SYT16: variants seen among roughly 807,000 people sequenced by gnomAD.
SYT16 encodes the protein synaptotagmin 16, also known as synaptotagmin-16.
A neutral mutation model predicts 61.4 loss-of-function variants in SYT16; 42 were observed. The observed-to-expected ratio is 0.68, with a 90% CI of 0.53 to 0.89. The LOEUF is 0.89. Ranked by LOEUF, SYT16 falls within the 40% of genes least tolerant of loss-of-function variation. The pLI, the probability that SYT16 is intolerant of heterozygous loss-of-function variation, is 0.00. For missense variants in SYT16, 804 were observed against 807.3 expected (o/e 1.00, Z 0.05); for synonymous variants, 314 against 302.3 (o/e 1.04, Z -0.40).
At chr14:62,079,244 A>G in intron 5 of SYT16, 1 of 474,974 alleles carries the variant, frequency 2.1e-6, no homozygotes, top group Non-Finnish European at 3.0e-6. Context: ...GAAACTAAGT[A>G]CCTCTGAATA....
chr14:61,914,119 T>C lies in SYT16; in HGVS notation c.-324-56013T>C, dbSNP rs1371564172. Among the ~76,000 whole-genome samples, 3 of 152,196 alleles carry C rather than the reference T, an allele frequency of 2.0e-5. No individual in the cohort carries two copies. In the South Asian group the frequency reaches 6.2e-4, roughly 32 times the overall value. ...ATCTTTGAAATGGTATAGAGAGTTA[T>C]AATTTGTTCAGTTTGGGATAGCATT... On this transcript the variant is annotated intron_variant, in intron 1 of 7. Transcript: ENST00000683842.
At chr14:61,913,735 A>T (rs1238928298) in intron 1 of SYT16, among the ~76,000 whole-genome samples, 2 of 18,080 alleles carry the variant, frequency 1.1e-4, no homozygotes, top group African/African-American at 4.6e-4. Context: ...TGTGTGTGTG[A>T]AATAAAACTC....
At chr14:62,078,155 C>CTCTCTCTCTCTATATATATATA (rs766089633) in intron 5 of SYT16, among the ~76,000 whole-genome samples, 3 of 135,936 alleles carry the variant, frequency 2.2e-5, no homozygotes, top group African/African-American at 8.6e-5. Context: ...CTCTCTCTCT[C>CTCTCTCTCTCTATATATATATA]TATATATATA....
At chr14:61,927,478 A>G (rs572304374) in intron 1 of SYT16, among the ~76,000 whole-genome samples, 1 of 152,360 alleles carries the variant, frequency 6.6e-6, no homozygotes, top group East Asian at 1.9e-4. Context: ...CCCTAAAGGG[A>G]ATAATTACTT....
chr14:62,051,185 C>T lies in SYT16; in HGVS notation c.524-18418C>T, dbSNP rs1473105500. Among the ~76,000 whole-genome samples, 3 of 152,356 alleles carry T rather than the reference C, an allele frequency of 2.0e-5. No homozygotes were observed. The East Asian group carries it at 5.8e-4, about 29-fold the overall frequency. ...CTGGGCAATGGCAGGCGCCCCTCCC[C>T]CAGCCTCACTGCTGCCTTGCAGTTT... On this transcript the variant is annotated intron_variant, in intron 3 of 7. Transcript: ENST00000683842.
intron 1 of SYT16, among the ~76,000 whole-genome samples, chr14:61,951,366 CA>C (rs1423068097): frequency 6.6e-6 from 1 of 152,060 alleles, no homozygotes; most frequent in Non-Finnish European, 1.5e-5. Context: ...ATCATCTTTT[CA>C]AAAATATTTG....
At chr14:62,007,879 A>C (rs2053286166) in intron 3 of SYT16, among the ~76,000 whole-genome samples, 2 of 152,084 alleles carry the variant, frequency 1.3e-5, no homozygotes, top group South Asian at 4.1e-4. Context: ...GGAATAAAAA[A>C]AATTTTCTTT....
intron 1 of SYT16, among the ~76,000 whole-genome samples, chr14:61,845,679 A>T (rs1246414658): frequency 6.6e-6 from 1 of 152,090 alleles, no homozygotes; most frequent in Non-Finnish European, 1.5e-5. Context: ...TTCATTTCAA[A>T]TTTATTTCCG....
chr14:62,027,112 T>G (rs539872776), intron 3 of SYT16, among the ~76,000 whole-genome samples: 2 of 152,332 alleles, frequency 1.3e-5, no homozygotes, highest in African/African-American at 4.8e-5. Context: ...TGCCTTAAAT[T>G]TATCTTTTTC....
intron 1 of SYT16, among the ~76,000 whole-genome samples, chr14:61,888,396 G>A (rs1395829683): frequency 2.0e-5 from 3 of 152,140 alleles, no homozygotes; most frequent in Non-Finnish European, 4.4e-5. Context: ...GGGATTACAG[G>A]CATGAGCCAC....
intron 1 of SYT16, among the ~76,000 whole-genome samples, chr14:61,816,202 C>T (rs1448690636): frequency 6.6e-6 from 1 of 152,132 alleles, no homozygotes; most frequent in African/African-American, 2.4e-5. Context: ...CCACTTTTTC[C>T]CTCCTTCTTT....
intron 3 of SYT16, among the ~76,000 whole-genome samples, chr14:62,068,416 G>T (rs2056155936): frequency 6.6e-6 from 1 of 152,078 alleles, no homozygotes; most frequent in African/African-American, 2.4e-5. Flanking sequence ...AGTTACCAAG[G>T]GGCAGGGGGC....
At chr14:61,849,005 A>C (rs944348277) in intron 1 of SYT16, among the ~76,000 whole-genome samples, 1 of 152,150 alleles carries the variant, frequency 6.6e-6, no homozygotes, top group South Asian at 2.1e-4. Flanking sequence ...TCAGGGCCCA[A>C]GGGCTTTTTA....
chr14:61,902,308 A>G (rs1248939625), intron 1 of SYT16, among the ~76,000 whole-genome samples: 1 of 152,196 alleles, frequency 6.6e-6, no homozygotes, highest in Non-Finnish European at 1.5e-5. Flanking sequence ...GCACAGCCTA[A>G]AAGACCTTCA....
At chr14:62,016,520 C>G (rs1187956796) in intron 3 of SYT16, among the ~76,000 whole-genome samples, 7 of 142,228 alleles carry the variant, frequency 4.9e-5, no homozygotes, top group Non-Finnish European at 1.1e-4. Flanking sequence ...GGTGTGAAAC[C>G]CTGTCTCTTC....
rs139372409 is a variant in SYT16, at chr14:61,846,078, A to G, written c.-325+33268A>G. On this transcript the variant is annotated intron_variant, in intron 1 of 7. Transcript: ENST00000683842. ...TGTTTTAAGACTTGTTTTTTGACCT[A>G]ACATATGGTCTATTCATGTGCTGGG... is the stretch of plus-strand genomic sequence containing the variant. Among the ~76,000 whole-genome samples, 902 of 152,260 alleles carry G rather than the reference A, an allele frequency of 5.9e-3. 4 individuals are homozygous for G. The highest frequency in any genetic ancestry group is 0.01 in the Non-Finnish European group (683 of 67,980).
chr14:61,864,716 A>T (rs1263595441), intron 1 of SYT16, among the ~76,000 whole-genome samples: 1 of 152,252 alleles, frequency 6.6e-6, no homozygotes, highest in Admixed American at 6.5e-5. Flanking sequence ...TGTGGTGGCG[A>T]CTGCTCGGAC....
chr14:62,024,361 G>A (rs1318134504), intron 3 of SYT16, among the ~76,000 whole-genome samples: 1 of 152,062 alleles, frequency 6.6e-6, no homozygotes, highest in Non-Finnish European at 1.5e-5. Flanking sequence ...GCAAAATTGC[G>A]AGGTGGGACA....
chr14:61,841,844 G>T (rs1002448108), intron 1 of SYT16, among the ~76,000 whole-genome samples: 1 of 152,112 alleles, frequency 6.6e-6, no homozygotes, highest in Non-Finnish European at 1.5e-5. Flanking sequence ...CAAAGGACAT[G>T]ATTTCATTCT....
Sources: allele counts gnomAD v4.1 joint callset (sites outside exome capture counted in the v4.1 genomes callset), GRCh38; gene constraint gnomAD v4.1.1; transcripts MANE v1.5; gene names NCBI Gene and HGNC (gene_info 2026-07-23, HGNC 2026-07-21).